Variants in COL19A1 observed in about 807,000 individuals in gnomAD.
The protein encoded by COL19A1 is collagen alpha-1(XIX) chain.
In COL19A1, 159 loss-of-function variants were observed where a neutral mutation model predicts 190.2. The ratio of observed to expected loss-of-function variants is 0.84; its 90% CI spans 0.73 to 0.95. COL19A1 has a LOEUF of 0.95. Among genes scored for constraint, COL19A1 ranks in the 40% least tolerant of loss-of-function variants. The probability of loss-of-function intolerance (pLI) is 0.00; values close to 1 mark genes in which losing one functional copy is unlikely to be tolerated. For missense variants in COL19A1, 1,418 were observed against 1,431.9 expected (o/e 0.99, Z 0.16); for synonymous variants, 509 against 458.9 (o/e 1.11, Z -1.39).
chr6:70,159,798 G>A (rs1301438281), intron 34 of COL19A1, among the ~76,000 whole-genome samples: 1 of 152,068 alleles, frequency 6.6e-6, no homozygotes, highest in African/African-American at 2.4e-5. Flanking sequence ...ATAGTAAAAG[G>A]TAAAGGAATT....
intron 2 of COL19A1, among the ~76,000 whole-genome samples, chr6:69,896,500 G>A (rs1769763032): frequency 7.5e-6 from 1 of 133,902 alleles, no homozygotes; most frequent in South Asian, 2.3e-4. Context: ...TTGCGCCACT[G>A]CAGTCCGCAG....
At chr6:70,126,779 G>A (rs777927930) in intron 17 of COL19A1, among the ~76,000 whole-genome samples, 3 of 152,164 alleles carry the variant, frequency 2.0e-5, no homozygotes, top group African/African-American at 7.2e-5. Flanking sequence ...TCAGGACCAC[G>A]TTATCTCCAA....
intron 22 of COL19A1, 88 bp from the exon 23 acceptor site, chr6:70,142,679 C>A: frequency 8.5e-7 from 1 of 1,176,324 alleles, no homozygotes. Flanking sequence ...ACATGAAGAT[C>A]ACACTATTCT....
intron 1 of COL19A1, among the ~76,000 whole-genome samples, chr6:69,877,960 G>A (rs756770453): frequency 3.9e-5 from 6 of 151,916 alleles, no homozygotes; most frequent in Non-Finnish European, 7.4e-5. Context: ...GCAGTGAGCC[G>A]AGATCGCGCC....
chr6:70,195,136 G>GATATATATATAT lies in COL19A1; in HGVS notation c.3095-4456_3095-4445dup, dbSNP rs202055762. Among the ~76,000 whole-genome samples the GATATATATATAT allele has an allele frequency of 4.5e-3, 608 of 135,970 alleles. 6 individuals are homozygous for GATATATATATAT. Among genetic ancestry groups the GATATATATATAT allele is most frequent in the Admixed American group, 5.4e-3 (72 of 13,372 alleles). The allele number at this position is 135,970 out of a possible 152,430, so 89.2% of individuals were successfully genotyped here. A position where few individuals can be genotyped will look rare whatever the true frequency, so the allele number is the denominator to read the frequency against. On this transcript the variant is annotated intron_variant, in intron 48 of 50. Coordinates refer to ENST00000620364, the MANE Select transcript of COL19A1 (RefSeq NM_001858.6). ...CATCTGATAAATATACATCATTGAT[G>GATATATATATAT]ATATATATATATATATATATATATA...
chr6:70,105,150 A>C (rs1456736115), intron 16 of COL19A1, among the ~76,000 whole-genome samples: 1 of 152,190 alleles, frequency 6.6e-6, no homozygotes, highest in African/African-American at 2.4e-5. Context: ...TAAATATAAT[A>C]AAATACCCAA....
rs1778570185 is a variant in COL19A1 at position 70,023,649 on chromosome 6, A to T, written c.1049A>T (p.Asp350Val). 1.9e-6 allele frequency: 3 copies of T among 1,611,224 alleles called. No individual in the cohort carries two copies. The highest frequency in any genetic ancestry group is 2.5e-6 in the Non-Finnish European group (3 of 1,179,330). Residue 350 changes from aspartate to valine, a missense_variant, in exon 12 of 51, where the codon GAT becomes GTT. Asp to Val is a radical substitution (Grantham distance 152). Transcript: ENST00000620364. The part of the protein sequence containing the change: ...GEKGEQGEKG[D>V]PALAGLNGEN... ...TAGGGTGAACAAGGAGAAAAAGGAG[A>T]TCCAGCTCTGGCTGGCCTTAATGGA... is the stretch of plus-strand genomic sequence containing the variant.
intron 9 of COL19A1, among the ~76,000 whole-genome samples, chr6:69,954,304 C>T (rs765981464): frequency 4.6e-5 from 7 of 151,996 alleles, no homozygotes; most frequent in African/African-American, 1.7e-4. Context: ...AGTAGAAGGA[C>T]TTGGGGTCTG....
At chr6:70,019,655 G>A (rs778992779) in intron 11 of COL19A1, among the ~76,000 whole-genome samples, 21 of 151,998 alleles carry the variant, frequency 1.4e-4, no homozygotes, top group South Asian at 4.1e-4. Context: ...TTAGGATTTC[G>A]TTGAAGTTTT....
chr6:70,121,867 G>A lies in COL19A1; in HGVS notation c.1279-13G>A, dbSNP rs1441373608. 1.3e-6 allele frequency: 2 copies of A among 1,529,214 alleles called. No homozygotes were observed. Among genetic ancestry groups the A allele is most frequent in the Non-Finnish European group, 1.8e-6 (2 of 1,125,460 alleles). 94.7% of individuals were successfully genotyped at this position (1,529,214 alleles called of 1,614,324 possible). On this transcript the variant is annotated splice_polypyrimidine_tract_variant and intron_variant, in intron 16 of 50. Transcript: ENST00000620364. ...ATGTGTATATATTTGTCTTTGATTT[G>A]TTTATAATACAGGGACCTCCTGGAA... is the stretch of plus-strand genomic sequence containing the variant.
At chr6:70,163,094 G>C (rs1392293932) in intron 35 of COL19A1, among the ~76,000 whole-genome samples, 1 of 152,084 alleles carries the variant, frequency 6.6e-6, no homozygotes, top group East Asian at 1.9e-4. Flanking sequence ...GTATCAAAAG[G>C]TTCCAATTAA....
At chr6:70,136,891 G>GA (rs536567276) in intron 18 of COL19A1, among the ~76,000 whole-genome samples, 8 of 151,616 alleles carry the variant, frequency 5.3e-5, no homozygotes, top group African/African-American at 9.7e-5. Context: ...TGAAGTTAGG[G>GA]AAAAAAAATC....
chr6:69,866,672 A>G (rs1251267719), intron 1 of COL19A1, 32 bp downstream of exon 1: 1 of 152,312 alleles, frequency 6.6e-6, no homozygotes, highest in African/African-American at 2.4e-5. Context: ...CCGGCTCTGC[A>G]CTTGCCCTCT....
intron 49 of COL19A1, among the ~76,000 whole-genome samples, chr6:70,205,650 C>T (rs112657986): frequency 8.5e-5 from 13 of 152,306 alleles, no homozygotes; most frequent in African/African-American, 3.1e-4. Flanking sequence ...ACTCTTACAG[C>T]ATGGAACCTT....
At chr6:70,175,279 T>A (rs1365895951) in intron 41 of COL19A1, among the ~76,000 whole-genome samples, 1 of 152,210 alleles carries the variant, frequency 6.6e-6, no homozygotes, top group East Asian at 1.9e-4. Context: ...AATCTTATTG[T>A]AAATATAACC....
At chr6:70,100,912 T>A (rs1443560656) in intron 15 of COL19A1, among the ~76,000 whole-genome samples, 1 of 152,182 alleles carries the variant, frequency 6.6e-6, no homozygotes, top group Non-Finnish European at 1.5e-5. Context: ...AATGGACACA[T>A]TTCTCATCCA....
chr6:70,118,636 A>G (rs1784717016), intron 16 of COL19A1, among the ~76,000 whole-genome samples: 1 of 152,256 alleles, frequency 6.6e-6, no homozygotes, highest in South Asian at 2.1e-4. Flanking sequence ...GGTAGAACCT[A>G]AAACTTCAGA....
At chr6:70,018,282 T>C (rs558688615) in intron 11 of COL19A1, among the ~76,000 whole-genome samples, 71 of 152,204 alleles carry the variant, frequency 4.7e-4, no homozygotes, top group Admixed American at 5.2e-4. Flanking sequence ...GATGGCTTCT[T>C]TTTTCTTGGT....
intron 11 of COL19A1, among the ~76,000 whole-genome samples, chr6:69,994,098 A>T (rs919272174): frequency 1.3e-5 from 2 of 152,056 alleles, no homozygotes; most frequent in Non-Finnish European, 1.5e-5. Flanking sequence ...TTAGCACTAT[A>T]CATTTTCCCC....
Sources: allele counts gnomAD v4.1 joint callset (sites outside exome capture counted in the v4.1 genomes callset), GRCh38; gene constraint gnomAD v4.1.1; transcripts MANE v1.5; gene names NCBI Gene and HGNC (gene_info 2026-07-23, HGNC 2026-07-21).